Variants in RBFOX1 observed in about 807,000 individuals in gnomAD.
RBFOX1 encodes RNA binding fox-1 homolog 1, also known as RNA binding protein fox-1 homolog 1.
Under a neutral mutation model 57.7 loss-of-function variants are expected in RBFOX1, and 8 were observed. The ratio of observed to expected loss-of-function variants is 0.14; its 90% CI spans 0.08 to 0.25. The LOEUF (loss-of-function observed/expected upper bound fraction) is 0.25. Among genes scored for constraint, RBFOX1 ranks in the 10% least tolerant of loss-of-function variants. The pLI is 1.00. For synonymous variants in RBFOX1, 326 were observed against 222.4 expected, an observed-to-expected ratio of 1.47 and a Z score of -4.15; for missense variants, 611 against 548.5, an observed-to-expected ratio of 1.11 and a Z score of -1.14.
At chr16:6,699,608 G>T (rs145270957) in intron 3 of RBFOX1, among the ~76,000 whole-genome samples, 1 of 152,162 alleles carries the variant, frequency 6.6e-6, no homozygotes, top group Non-Finnish European at 1.5e-5. Flanking sequence ...TAAACTGTAC[G>T]ACGGGAAGAG....
intron 4 of RBFOX1, among the ~76,000 whole-genome samples, chr16:7,189,554 AACACACACAC>A (rs779531861): frequency 2.1e-4 from 28 of 135,874 alleles, no homozygotes; most frequent in South Asian, 4.6e-4. Flanking sequence ...TGTCCCCCAA[AACACACACAC>A]ACACACACAC....
At chr16:5,315,650 C>T (rs140409433) in intron 1 of RBFOX1, among the ~76,000 whole-genome samples, 6 of 152,260 alleles carry the variant, frequency 3.9e-5, no homozygotes, top group African/African-American at 1.4e-4. Flanking sequence ...AGTGCGTTTG[C>T]AAGGAATTAA....
At chr16:5,339,411 A>T (rs1321373549) in intron 1 of RBFOX1, among the ~76,000 whole-genome samples, 1 of 143,256 alleles carries the variant, frequency 7.0e-6, no homozygotes, top group Non-Finnish European at 1.5e-5. Flanking sequence ...GACCAAACTC[A>T]TGCTGGTTTA....
intron 3 of RBFOX1, among the ~76,000 whole-genome samples, chr16:6,902,096 A>T (rs1186638630): frequency 6.6e-6 from 1 of 152,210 alleles, no homozygotes; most frequent in East Asian, 1.9e-4. Flanking sequence ...ATTTGTCTAC[A>T]TAAAATCAGG....
At chr16:7,189,108 G>A (rs1308930752) in intron 4 of RBFOX1, among the ~76,000 whole-genome samples, 1 of 152,040 alleles carries the variant, frequency 6.6e-6, no homozygotes, top group African/African-American at 2.4e-5. Flanking sequence ...CACTGATTCA[G>A]GTAATAAGGA....
intron 5 of RBFOX1, among the ~76,000 whole-genome samples, chr16:7,536,452 G>A (rs1218423678): frequency 2.0e-5 from 3 of 152,148 alleles, no homozygotes; most frequent in Non-Finnish European, 4.4e-5. Flanking sequence ...AAATTAGCCA[G>A]GTGTGGTGCT....
At chr16:7,462,306 C>G (rs528976231) in intron 4 of RBFOX1, among the ~76,000 whole-genome samples, 27 of 152,232 alleles carry the variant, frequency 1.8e-4, no homozygotes, top group African/African-American at 5.8e-4. Flanking sequence ...ACTAGCCTGG[C>G]CAATATGGTG....
At chr16:6,889,121 T>C (rs556287293) in intron 3 of RBFOX1, among the ~76,000 whole-genome samples, 12 of 152,350 alleles carry the variant, frequency 7.9e-5, no homozygotes, top group Middle Eastern at 6.8e-3. Flanking sequence ...CCAAAAAACC[T>C]GGCTTCAAAT....
intron 5 of RBFOX1, among the ~76,000 whole-genome samples, chr16:7,521,415 G>T (rs1466250070): frequency 6.6e-6 from 1 of 152,150 alleles, no homozygotes; most frequent in Non-Finnish European, 1.5e-5. Flanking sequence ...TATGAAATGA[G>T]ACATAAAAAG....
intron 4 of RBFOX1, among the ~76,000 whole-genome samples, chr16:5,882,686 C>G (rs567529425): frequency 6.6e-6 from 1 of 152,286 alleles, no homozygotes; most frequent in East Asian, 1.9e-4. Context: ...CCCATGGTGC[C>G]TGGACTGAAA....
At chr16:7,103,792 T>C (rs1166421692) in intron 4 of RBFOX1, among the ~76,000 whole-genome samples, 1 of 152,144 alleles carries the variant, frequency 6.6e-6, no homozygotes, top group East Asian at 1.9e-4. Context: ...CAGCAATATG[T>C]CAGAAATTAC....
chr16:5,496,983 TTAGTG>T (rs948291599), intron 2 of RBFOX1, among the ~76,000 whole-genome samples: 28 of 152,360 alleles, frequency 1.8e-4, no homozygotes, highest in African/African-American at 6.3e-4. Context: ...GGCATAACTT[TTAGTG>T]TTAAAAAGAA....
chr16:7,222,867 C>T (rs34636401), intron 4 of RBFOX1, among the ~76,000 whole-genome samples: 77 of 152,260 alleles, frequency 5.1e-4, no homozygotes, highest in Admixed American at 9.2e-4. Flanking sequence ...TGGTGGTTTA[C>T]TAAAGAGTGT....
At chr16:6,521,644 A>G (rs913753993) in intron 2 of RBFOX1, among the ~76,000 whole-genome samples, 5 of 152,018 alleles carry the variant, frequency 3.3e-5, no homozygotes, top group African/African-American at 1.2e-4. Flanking sequence ...TCAAAGAAAT[A>G]CTTGTAGGCT....
intron 2 of RBFOX1, among the ~76,000 whole-genome samples, chr16:6,510,837 C>A (rs942993895): frequency 7.2e-5 from 11 of 151,922 alleles, no homozygotes; most frequent in South Asian, 2.1e-4. Context: ...AGTGTTGCAC[C>A]CTTAGTGCTG....
At chr16:6,246,863 G>A (rs1040583480) in intron 1 of RBFOX1, among the ~76,000 whole-genome samples, 47 of 152,290 alleles carry the variant, frequency 3.1e-4, no homozygotes, top group African/African-American at 1.0e-3. Context: ...GAGGTCAGGA[G>A]TTTGAGACCA....
rs572144777 is a variant in RBFOX1, at chr16:6,190,123, C to A, written c.-126-126872C>A. ...AGTGGAATACTATTTTGATTAGTACCCTCAAACCGAAATAGTATTTATGAA... is the reference window on the plus strand; with the variant it reads ...AGTGGAATACTATTTTGATTAGTACACTCAAACCGAAATAGTATTTATGAA... On this transcript the variant is annotated intron_variant, in intron 1 of 15. Coordinates refer to ENST00000550418, the MANE Select transcript of RBFOX1 (RefSeq NM_018723.4). Among the ~76,000 whole-genome samples, 5 of 152,138 alleles carry A rather than the reference C, an allele frequency of 3.3e-5. No individual in the cohort carries two copies. The South Asian group carries it at 6.3e-4, about 19-fold the overall frequency.
At chr16:5,993,122 A>C (rs1455279633) in intron 4 of RBFOX1, among the ~76,000 whole-genome samples, 1 of 152,186 alleles carries the variant, frequency 6.6e-6, no homozygotes, top group Non-Finnish European at 1.5e-5. Context: ...ATACGGAACA[A>C]GCCATGTCCT....
At chr16:6,544,290 C>T (rs1169725138) in intron 2 of RBFOX1, among the ~76,000 whole-genome samples, 1 of 152,172 alleles carries the variant, frequency 6.6e-6, no homozygotes, top group Admixed American at 6.5e-5. Flanking sequence ...AGCCTCATAA[C>T]TTTGAATGGA....
Sources: gnomAD v4.1 joint callset for allele counts (sites outside exome capture counted in the v4.1 genomes callset) on GRCh38, gnomAD v4.1.1 for gene constraint, MANE v1.5 for transcripts, NCBI Gene and HGNC (gene_info 2026-07-23, HGNC 2026-07-21) for gene names.